CCDC117: variants seen among roughly 807,000 people sequenced by gnomAD.
CCDC117 encodes coiled-coil domain-containing protein 117.
In CCDC117, 1 loss-of-function variant was observed where a neutral mutation model predicts 23.5. The ratio of observed to expected loss-of-function variants is 0.04; its 90% CI spans 0.02 to 0.20. The LOEUF is 0.20. CCDC117 is among the 10% of genes least tolerant of loss of function. CCDC117 has a pLI of 1.00. For missense variants in CCDC117, 383 were observed against 348.2 expected, an observed-to-expected ratio of 1.10 and a Z score of -0.80; for synonymous variants, 132 against 124.8, an observed-to-expected ratio of 1.06 and a Z score of -0.39.
In CCDC117 at chr22:28,781,130, A is replaced by G. The variant is rs1457123626; in HGVS notation, c.422A>G (p.Gln141Arg). Residue 141 changes from glutamine (Q) to arginine (R), a missense_variant, in exon 3 of 5, where the codon CAG becomes CGG. Coordinates refer to ENST00000249064, the MANE Select transcript of CCDC117 (RefSeq NM_173510.4). ...ATGGATCAGACAACTGGAGAACCACAGTGTGAAGTTGCCCGAAGGAAGCTT... is the reference window on the plus strand; with the variant it reads ...ATGGATCAGACAACTGGAGAACCACGGTGTGAAGTTGCCCGAAGGAAGCTT... ...EEMDQTTGEPQCEVARRKLQE... is the reference protein window; with the variant it reads ...EEMDQTTGEPRCEVARRKLQE... The G allele has an allele frequency of 6.2e-7, 1 of 1,613,818 alleles. No homozygotes were observed. The highest frequency in any genetic ancestry group is 8.5e-7 in the Non-Finnish European group (1 of 1,179,982).
rs776409721 is a variant in CCDC117 at position 28,780,968 on chromosome 22, G to A, written c.260G>A (p.Arg87Lys). ...EDDDCPVRKK[R>K]ITEAELCAGP... ...TTCAGTTGTCCAGTAAGAAAGAAAA[G>A]GATAACTGAAGCAGAGCTCTGTGCT... The change falls in exon 3 of 5, where the codon AGG (arginine) becomes AAG (lysine). Residue 87 changes from arginine to lysine, a missense_variant. Transcript: ENST00000249064. 6.2e-7 allele frequency: 1 copy of A among 1,612,848 alleles called. No individual in the cohort carries two copies. Among genetic ancestry groups the A allele is most frequent in the African/African-American group, 1.3e-5 (1 of 74,982 alleles).
rs142867293 is a variant in CCDC117 at position 28,781,114 on chromosome 22, A to G, written c.406A>G (p.Thr136Ala). The change falls in exon 3 of 5, where the codon ACA becomes GCA. Residue 136 changes from threonine (T) to alanine (A), a missense_variant. Physicochemically the swap from Thr to Ala is moderately conservative, Grantham distance 58 (BLOSUM62 0). Transcript: ENST00000249064. ...LDVICEEMDQ[T>A]TGEPQCEVAR... The stretch of plus-strand genomic sequence containing the variant: ...TGTTATTTGTGAAGAAATGGATCAG[A>G]CAACTGGAGAACCACAGTGTGAAGT... The G allele has an allele frequency of 2.0e-5, 32 of 1,614,040 alleles. No individual in the cohort carries two copies. The African/African-American group carries it at 3.6e-4, about 18-fold the overall frequency.
intron 2 of CCDC117, among the ~76,000 whole-genome samples, chr22:28,775,583 T>C (rs1175175926): frequency 6.6e-6 from 1 of 152,082 alleles, no homozygotes; most frequent in East Asian, 1.9e-4. Context: ...TGAAAAATTA[T>C]ATCTCATAAA....
chr22:28,780,735 G>A (rs970874822), intron 2 of CCDC117, among the ~76,000 whole-genome samples: 2 of 152,136 alleles, frequency 1.3e-5, no homozygotes, highest in Non-Finnish European at 2.9e-5. Context: ...AATCTTACAG[G>A]TGCATCTTTA....
intron 3 of CCDC117, among the ~76,000 whole-genome samples, chr22:28,782,954 T>A (rs1453859593): frequency 1.3e-5 from 2 of 152,206 alleles, no homozygotes; most frequent in Non-Finnish European, 2.9e-5. Flanking sequence ...TTAATTTTGG[T>A]TTATGTGATA....
Position 28,773,554 on chromosome 22 carries a change from G to T in CCDC117, c.186-171G>T, listed in dbSNP as rs554940831. The stretch of plus-strand genomic sequence containing the variant: ...GAGATTTCACTGTCCAGTTCTGTCG[G>T]GGCAATCCACCGTTACCCGACTGAC... On this transcript the variant is annotated intron_variant, in intron 1 of 4. Coordinates refer to ENST00000249064, the MANE Select transcript of CCDC117 (RefSeq NM_173510.4). Among the ~76,000 whole-genome samples the T allele has an allele frequency of 7.9e-5, 12 of 152,258 alleles. No individual in the cohort carries two copies. In the South Asian group the frequency reaches 2.5e-3, roughly 32 times the overall value.
chr22:28,781,233 T>C, intron 3 of CCDC117, 61 bp downstream of exon 3: 5 of 936,610 alleles, frequency 5.3e-6, no homozygotes, highest in Non-Finnish European at 6.8e-6. Context: ...TCTGCTCATA[T>C]AAGCTAGTTC....
At chr22:28,775,401 C>A (rs757703073) in intron 2 of CCDC117, among the ~76,000 whole-genome samples, 11 of 152,120 alleles carry the variant, frequency 7.2e-5, no homozygotes, top group Non-Finnish European at 1.6e-4. Context: ...TTTTGAAGTT[C>A]TTTGTATATG....
chr22:28,774,409 C>A (rs1256285535), intron 2 of CCDC117, among the ~76,000 whole-genome samples: 6 of 145,708 alleles, frequency 4.1e-5, no homozygotes, highest in African/African-American at 1.5e-4. Flanking sequence ...GGGGCTCTGT[C>A]ACCCAAGCTG....
At chr22:28,785,891 C>T (rs117696769) in intron 4 of CCDC117, among the ~76,000 whole-genome samples, 198 bp from the exon 5 acceptor site, 1 of 150,036 alleles carries the variant, frequency 6.7e-6, no homozygotes, top group South Asian at 2.1e-4. Context: ...CCACTGTACT[C>T]CACTGTGGAC....
Position 28,781,600 on chromosome 22 carries a change from C to G in CCDC117, c.464+428C>G, listed in dbSNP as rs540180073. 1.6e-3 allele frequency among the ~76,000 whole-genome samples: 89 copies of G among 53,966 alleles called. 19 individuals carry two copies. The highest frequency in any genetic ancestry group is 0.015 in the South Asian group (16 of 1,088). 35.4% of individuals were successfully genotyped at this position (53,966 alleles called of 152,430 possible). A position where few individuals can be genotyped will look rare whatever the true frequency, so the allele number is the denominator to read the frequency against. On this transcript the variant is annotated intron_variant, in intron 3 of 4. Transcript: ENST00000249064. ...TCTCTTGACCTCGTGATCCGCCCGC[C>G]TCGGCCTCCCAAAGTGCTGGGATTA...
Position 28,786,414 on chromosome 22 carries a change from GT to G in CCDC117, c.*92del. ...CTTTGCATAGTATAGGGACTTGAAAGTTTTATGAGACGGGTGTAATAATATC... is the reference window on the plus strand; with the variant it reads ...CTTTGCATAGTATAGGGACTTGAAAGTTTATGAGACGGGTGTAATAATATC... On this transcript the variant is annotated 3_prime_UTR_variant, in exon 5 of 5. Coordinates refer to ENST00000249064, the MANE Select transcript of CCDC117 (RefSeq NM_173510.4). The G allele has an allele frequency of 1.1e-6, 1 of 871,696 alleles. No homozygotes were observed. The highest frequency in any genetic ancestry group is 1.7e-5 in the African/African-American group (1 of 59,460). The allele number at this position is 871,696 out of a possible 1,614,324, so 54.0% of individuals were successfully genotyped here.
At chr22:28,780,156 A>C (rs2031277244) in intron 2 of CCDC117, among the ~76,000 whole-genome samples, 1 of 151,964 alleles carries the variant, frequency 6.6e-6, no homozygotes, top group South Asian at 2.1e-4. Context: ...TTTCCAAATA[A>C]AAAAAAATGG....
At position 28,788,547 on chromosome 22, in the gene CCDC117, C is replaced by G. The variant is rs368088294; in HGVS notation, c.*2221C>G. 1 of 152,474 alleles carries G rather than the reference C, an allele frequency of 6.6e-6. No individual in the cohort carries two copies. Among genetic ancestry groups the G allele is most frequent in the Non-Finnish European group, 1.5e-5 (1 of 68,020 alleles). 9.4% of individuals were successfully genotyped at this position (152,474 alleles called of 1,614,324 possible). A position where few individuals can be genotyped will look rare whatever the true frequency, so the allele number is the denominator to read the frequency against. ...GTAAATGTAGGAGAGAATTAAGAAT[C>G]TGTTAATTAAAATCCAAACAGAGCT... On this transcript the variant is annotated 3_prime_UTR_variant, in exon 5 of 5. Coordinates refer to ENST00000249064, the MANE Select transcript of CCDC117 (RefSeq NM_173510.4).
rs1335275917 is a variant in CCDC117, at chr22:28,786,383, G to A, written c.*57G>A. ...TTAGAAGAATCCTGTGTTCAGTTAT[G>A]AGACTCTTTGCATAGTATAGGGACT... On this transcript the variant is annotated 3_prime_UTR_variant, in exon 5 of 5. Coordinates refer to ENST00000249064, the MANE Select transcript of CCDC117 (RefSeq NM_173510.4). The A allele has an allele frequency of 2.4e-6, 3 of 1,252,026 alleles. No individual in the cohort carries two copies. In the Admixed American group the frequency reaches 5.5e-5, roughly 23 times the overall value. The allele number at this position is 1,252,026 out of a possible 1,614,324, so 77.6% of individuals were successfully genotyped here.
chr22:28,782,832 T>C (rs5752795), intron 3 of CCDC117, among the ~76,000 whole-genome samples: 60,386 of 152,010 alleles, frequency 0.4, 13,263 homozygotes, highest in East Asian at 0.68. Flanking sequence ...TCAGCCTCCT[T>C]AAGTACTGGG....
At chr22:28,780,350 A>G (rs1026799438) in intron 2 of CCDC117, among the ~76,000 whole-genome samples, 1 of 152,194 alleles carries the variant, frequency 6.6e-6, no homozygotes, top group African/African-American at 2.4e-5. Flanking sequence ...ACTTTGAACA[A>G]ACCTCATGAG....
At position 28,786,519 on chromosome 22, in the gene CCDC117, C is replaced by G; in HGVS notation, c.*193C>G. On this transcript the variant is annotated 3_prime_UTR_variant, in exon 5 of 5. Coordinates refer to ENST00000249064, the MANE Select transcript of CCDC117 (RefSeq NM_173510.4). ...TCACCTTTTTGCCAAGGACGTTTGT[C>G]TCAAGGGAAAAGCAGTTTTCTGTGG... The G allele has an allele frequency of 1.8e-6, 1 of 546,604 alleles. No individual in the cohort carries two copies. Among genetic ancestry groups the G allele is most frequent in the Non-Finnish European group, 3.2e-6 (1 of 310,084 alleles). 33.9% of individuals were successfully genotyped at this position (546,604 alleles called of 1,614,324 possible).
chr22:28,782,929 T>TA (rs2031395270), intron 3 of CCDC117, among the ~76,000 whole-genome samples: 1 of 152,218 alleles, frequency 6.6e-6, no homozygotes. Context: ...CGTTTTCACT[T>TA]ACTGCCTCTG....
Sources: allele counts gnomAD v4.1 joint callset (sites outside exome capture counted in the v4.1 genomes callset), GRCh38; gene constraint gnomAD v4.1.1; transcripts MANE v1.5; gene names NCBI Gene and HGNC (gene_info 2026-07-23, HGNC 2026-07-21).